KCNAB1: variants seen among roughly 807,000 people sequenced by gnomAD.
KCNAB1 encodes the protein voltage-gated potassium channel subunit beta-1.
A neutral mutation model predicts 64.6 loss-of-function variants in KCNAB1; 35 were observed. The ratio of observed to expected loss-of-function variants is 0.54; its 90% CI spans 0.41 to 0.72. The LOEUF (loss-of-function observed/expected upper bound fraction) is 0.72, where lower values mean the gene tolerates loss of function less well. Ranked by LOEUF, KCNAB1 falls within the 30% of genes least tolerant of loss-of-function variation. The probability of loss-of-function intolerance (pLI) is 0.00; values close to 1 mark genes in which losing one functional copy is unlikely to be tolerated. For synonymous variants in KCNAB1, 177 were observed against 183.8 expected, an observed-to-expected ratio of 0.96 and a Z score of 0.30; for missense variants, 401 against 512.9, an observed-to-expected ratio of 0.78 and a Z score of 2.11.
chr3:156,368,539 C>G (rs1726097034), intron 1 of KCNAB1, among the ~76,000 whole-genome samples: 1 of 152,194 alleles, frequency 6.6e-6, no homozygotes, highest in Non-Finnish European at 1.5e-5. Flanking sequence ...ATTCCCTCAC[C>G]TTGGCCTCTC....
chr3:156,273,800 T>A, intron 1 of KCNAB1: 2 of 370,948 alleles, frequency 5.4e-6, no homozygotes, highest in South Asian at 4.1e-5. Context: ...GCTATCTTGC[T>A]CCACCTCCTC....
intron 3 of KCNAB1, among the ~76,000 whole-genome samples, chr3:156,454,154 C>T (rs1296464255): frequency 1.3e-5 from 2 of 152,198 alleles, no homozygotes; most frequent in African/African-American, 4.8e-5. Flanking sequence ...CTCATGGGGG[C>T]TCCCCAGGGA....
At position 156,514,433 on chromosome 3, in the gene KCNAB1, G is replaced by C. The variant is rs534182640; in HGVS notation, c.728G>C (p.Ser243Thr). 1 of 1,613,154 alleles carries C rather than the reference G, an allele frequency of 6.2e-7. No homozygotes were observed. Among genetic ancestry groups the C allele is most frequent in the East Asian group, 2.2e-5 (1 of 44,878 alleles). ...ATGTACTGGGGCACCTCGAGATGGA[G>C]TGCTATGGAGATCATGGTAATTTAA... is the stretch of plus-strand genomic sequence containing the variant. ...MAMYWGTSRW[S>T]AMEIMEAYSV... The change falls in exon 9 of 14, where the codon AGT becomes ACT. Residue 243 changes from serine (S) to threonine (T), a missense_variant. By Grantham distance (58) the Ser-to-Thr change is moderately conservative. Transcript: ENST00000490337.
intron 1 of KCNAB1, among the ~76,000 whole-genome samples, chr3:156,126,209 C>T (rs1713647222): frequency 6.6e-6 from 1 of 152,080 alleles, no homozygotes; most frequent in South Asian, 2.1e-4. Context: ...AAGTTTCTTG[C>T]AGGCTGGATC....
At chr3:156,211,366 T>A (rs1714991822) in intron 1 of KCNAB1, among the ~76,000 whole-genome samples, 1 of 152,240 alleles carries the variant, frequency 6.6e-6, no homozygotes, top group African/African-American at 2.4e-5. Context: ...GGTTAATATT[T>A]GTAATATGCA....
intron 1 of KCNAB1, among the ~76,000 whole-genome samples, chr3:156,338,456 A>G (rs192696710): frequency 4.6e-5 from 7 of 151,902 alleles, no homozygotes; most frequent in Non-Finnish European, 8.8e-5. Context: ...GATTATAGGC[A>G]TGTGCCAGCA....
chr3:156,360,582 C>T (rs564382157), intron 1 of KCNAB1, among the ~76,000 whole-genome samples: 11 of 152,154 alleles, frequency 7.2e-5, no homozygotes, highest in African/African-American at 2.6e-4. Context: ...GGCATGGTAA[C>T]ATTTGCCTGT....
At chr3:156,386,655 A>G (rs1044364303) in intron 1 of KCNAB1, among the ~76,000 whole-genome samples, 1 of 152,160 alleles carries the variant, frequency 6.6e-6, no homozygotes, top group African/African-American at 2.4e-5. Context: ...TGCCTGTCTA[A>G]CTACCTGTAA....
chr3:156,308,188 G>A (rs887075109), intron 1 of KCNAB1, among the ~76,000 whole-genome samples: 4 of 152,346 alleles, frequency 2.6e-5, no homozygotes, highest in South Asian at 2.1e-4. Context: ...GAGTATCTGC[G>A]AGAAGATCAA....
At chr3:156,140,395 C>T (rs1404610336) in intron 1 of KCNAB1, among the ~76,000 whole-genome samples, 1 of 152,068 alleles carries the variant, frequency 6.6e-6, no homozygotes, top group Admixed American at 6.6e-5. Context: ...GATCAGGGTG[C>T]CAGCAGGGTC....
intron 1 of KCNAB1, among the ~76,000 whole-genome samples, chr3:156,322,311 CA>C (rs1393424482): frequency 2.0e-5 from 3 of 152,166 alleles, no homozygotes. Flanking sequence ...TGACTGAACT[CA>C]AAATATGTAC....
intron 1 of KCNAB1, among the ~76,000 whole-genome samples, chr3:156,271,481 T>C (rs1719035300): frequency 6.6e-6 from 1 of 152,236 alleles, no homozygotes; most frequent in African/African-American, 2.4e-5. Flanking sequence ...GAGACTCTAA[T>C]GCATTCTTCA....
chr3:156,230,994 G>C (rs766077913), intron 1 of KCNAB1, among the ~76,000 whole-genome samples: 1 of 152,106 alleles, frequency 6.6e-6, no homozygotes, highest in South Asian at 2.1e-4. Context: ...CTCTTAGATG[G>C]ATCTGTTTGT....
chr3:156,255,091 A>G (rs1489533216), intron 1 of KCNAB1, among the ~76,000 whole-genome samples: 1 of 152,152 alleles, frequency 6.6e-6, no homozygotes, highest in East Asian at 1.9e-4. Flanking sequence ...CATTCAGCCC[A>G]TTAGTTGGAG....
At chr3:156,261,416 C>T (rs1398176460) in intron 1 of KCNAB1, among the ~76,000 whole-genome samples, 1 of 151,772 alleles carries the variant, frequency 6.6e-6, no homozygotes, top group African/African-American at 2.4e-5. Context: ...TTTTTGTGTG[C>T]AGTTTGAGGG....
chr3:156,397,623 T>C (rs1713559536), intron 1 of KCNAB1, among the ~76,000 whole-genome samples: 1 of 152,186 alleles, frequency 6.6e-6, no homozygotes, highest in Admixed American at 6.5e-5. Context: ...TTCCCTTTTT[T>C]TTTCATAGAG....
chr3:156,169,230 A>G (rs934999739), intron 1 of KCNAB1, among the ~76,000 whole-genome samples: 1 of 152,216 alleles, frequency 6.6e-6, no homozygotes, highest in Non-Finnish European at 1.5e-5. Flanking sequence ...CAAATGACGA[A>G]TAAAGCTCAT....
intron 7 of KCNAB1, among the ~76,000 whole-genome samples, chr3:156,467,508 C>G (rs115127321): frequency 6.6e-6 from 1 of 152,136 alleles, no homozygotes; most frequent in Non-Finnish European, 1.5e-5. Context: ...TCTCCATTTG[C>G]TCATCCAATC....
intron 2 of KCNAB1, among the ~76,000 whole-genome samples, chr3:156,449,196 T>C (rs979110044): frequency 2.0e-5 from 3 of 152,292 alleles, no homozygotes; most frequent in South Asian, 2.1e-4. Context: ...TTTAAAAACA[T>C]TGAAAAAGGA....
Sources: allele counts gnomAD v4.1 joint callset (sites outside exome capture counted in the v4.1 genomes callset), GRCh38; gene constraint gnomAD v4.1.1; transcripts MANE v1.5; gene names NCBI Gene and HGNC (gene_info 2026-07-23, HGNC 2026-07-21).